CSTPP1: variants seen among roughly 807,000 people sequenced by gnomAD.
The protein encoded by CSTPP1 is UPF0705 protein C11orf49.
chr11:47,155,588 T>C, the CSTPP1 span: 8 of 379,354 alleles, frequency 2.1e-5, no homozygotes, highest in Admixed American at 1.9e-4. Context: ...AAACTTACTA[T>C]GTCCCAGGCA....
At chr11:46,947,907 C>G in the CSTPP1 span, 1 of 385,332 alleles carries the variant, frequency 2.6e-6, no homozygotes, top group East Asian at 7.2e-5. Flanking sequence ...GGGGATAGAG[C>G]TGCATTAGGG....
At chr11:47,133,406 G>C in the CSTPP1 span, among the ~76,000 whole-genome samples, 2 of 152,218 alleles carry the variant, frequency 1.3e-5, no homozygotes, top group Admixed American at 6.5e-5. Flanking sequence ...TCTTCTAATT[G>C]TGGGGGGATC....
chr11:47,097,580 G>A, the CSTPP1 span, among the ~76,000 whole-genome samples: 11 of 83,238 alleles, frequency 1.3e-4, no homozygotes, highest in East Asian at 8.4e-4. Flanking sequence ...CGGGAGGGAG[G>A]TGGGGGGGTC....
the CSTPP1 span, among the ~76,000 whole-genome samples, chr11:47,056,016 G>A: frequency 6.6e-6 from 1 of 152,172 alleles, no homozygotes; most frequent in Non-Finnish European, 1.5e-5. Context: ...CCCTCACTCA[G>A]TCAGCAAATA....
the CSTPP1 span, chr11:47,161,593 A>G: frequency 6.2e-7 from 1 of 1,613,982 alleles, no homozygotes; most frequent in Non-Finnish European, 8.5e-7. Context: ...AAGTGGATGG[A>G]GAGAGTGATG....
At chr11:47,146,365 CAAAAA>C in the CSTPP1 span, among the ~76,000 whole-genome samples, 1 of 73,830 alleles carries the variant, frequency 1.4e-5, no homozygotes, top group Non-Finnish European at 2.8e-5. Flanking sequence ...AACTCTGTCT[CAAAAA>C]AAAAAAAAAA....
the CSTPP1 span, among the ~76,000 whole-genome samples, chr11:47,120,851 A>G: frequency 6.6e-6 from 1 of 152,242 alleles, no homozygotes; most frequent in Non-Finnish European, 1.5e-5. The surrounding 1 kb of genome is among the most constrained non-coding windows in gnomAD (Gnocchi z 4.2). Context: ...GCACTACAGA[A>G]GCAGTGATCA....
chr11:47,058,529 TAGG>T, the CSTPP1 span, among the ~76,000 whole-genome samples: 1 of 152,136 alleles, frequency 6.6e-6, no homozygotes, highest in Non-Finnish European at 1.5e-5. Flanking sequence ...TGAATATGAT[TAGG>T]AGATTAGTGG....
the CSTPP1 span, among the ~76,000 whole-genome samples, chr11:47,147,941 C>G: frequency 1.3e-5 from 2 of 152,146 alleles, no homozygotes; most frequent in Non-Finnish European, 2.9e-5. Flanking sequence ...GTTTCCCACA[C>G]CCTCTGGATC....
the CSTPP1 span, among the ~76,000 whole-genome samples, chr11:46,964,317 GCT>G: frequency 6.8e-6 from 1 of 147,024 alleles, no homozygotes; most frequent in Admixed American, 6.8e-5. Context: ...ATGGAGTCTC[GCT>G]CTGTCACCCA....
At chr11:47,124,587 T>C in the CSTPP1 span, among the ~76,000 whole-genome samples, 1 of 152,232 alleles carries the variant, frequency 6.6e-6, no homozygotes, top group Admixed American at 6.5e-5. Context: ...TACTTTAAAA[T>C]GTATTTTACT....
chr11:46,984,896 G>A, the CSTPP1 span, among the ~76,000 whole-genome samples: 4 of 152,070 alleles, frequency 2.6e-5, no homozygotes, highest in Non-Finnish European at 4.4e-5. Context: ...TGATTTTAAT[G>A]TTTCCCTGGC....
the CSTPP1 span, among the ~76,000 whole-genome samples, chr11:47,008,408 A>C: frequency 6.6e-6 from 1 of 152,218 alleles, no homozygotes; most frequent in Non-Finnish European, 1.5e-5. Context: ...TGATATAATA[A>C]TACCTTATTT....
the CSTPP1 span, among the ~76,000 whole-genome samples, chr11:46,967,496 T>G: frequency 6.6e-6 from 1 of 152,210 alleles, no homozygotes; most frequent in African/African-American, 2.4e-5. Context: ...GAGTAAGTCC[T>G]CCAACTTAGT....
At chr11:46,974,373 C>G in the CSTPP1 span, among the ~76,000 whole-genome samples, 1 of 150,706 alleles carries the variant, frequency 6.6e-6, no homozygotes, top group Non-Finnish European at 1.5e-5. Flanking sequence ...ACTAAAAATA[C>G]AAAAATTATC....
At chr11:47,054,274 G>A in the CSTPP1 span, among the ~76,000 whole-genome samples, 1 of 132,698 alleles carries the variant, frequency 7.5e-6, no homozygotes, top group Non-Finnish European at 1.5e-5. Context: ...TCGCGCTACT[G>A]CACTCCAGCC....
At chr11:47,031,812 AG>A in the CSTPP1 span, among the ~76,000 whole-genome samples, 1 of 152,178 alleles carries the variant, frequency 6.6e-6, no homozygotes, top group South Asian at 2.1e-4. Context: ...ATATATATAA[AG>A]GGGAGTTTAC....
the CSTPP1 span, among the ~76,000 whole-genome samples, chr11:47,029,012 ATT>A: frequency 7.0e-6 from 1 of 143,316 alleles, no homozygotes. Flanking sequence ...TAATTTTCAT[ATT>A]TTTTTTTTTT....
At chr11:47,064,274 C>T in the CSTPP1 span, among the ~76,000 whole-genome samples, 2 of 151,688 alleles carry the variant, frequency 1.3e-5, no homozygotes, top group Non-Finnish European at 2.9e-5. Context: ...GTCATCTTTT[C>T]ACTTTTTTTT....
Sources: allele counts gnomAD v4.1 joint callset (sites outside exome capture counted in the v4.1 genomes callset), GRCh38; gene constraint gnomAD v4.1.1; non-coding constraint Gnocchi (gnomAD v3.1); transcripts MANE v1.5; gene names NCBI Gene and HGNC (gene_info 2026-07-23, HGNC 2026-07-21).